HDAC9: variants seen among roughly 807,000 people sequenced by gnomAD.
HDAC9 encodes the protein MEF-2 interacting transcription repressor (MITR) protein.
A neutral mutation model predicts 139.4 loss-of-function variants in HDAC9; 41 were observed. That is an observed-to-expected ratio of 0.29 (90% CI 0.23 to 0.38). HDAC9 has a LOEUF of 0.38. Among genes scored for constraint, HDAC9 ranks in the 10% least tolerant of loss-of-function variants. The pLI is 1.00. For synonymous variants in HDAC9, 517 were observed against 476.2 expected, an observed-to-expected ratio of 1.09 and a Z score of -1.12; for missense variants, 1,147 against 1,297.0, an observed-to-expected ratio of 0.88 and a Z score of 1.78.
intron 1 of HDAC9, chr7:18,151,745 A>T (rs1786797493): frequency 6.6e-6 from 1 of 152,198 alleles, no homozygotes; most frequent in Non-Finnish European, 1.5e-5. Flanking sequence ...GCTACATACA[A>T]CAAACTATCA....
chr7:18,803,095 A>G (rs554784828), intron 17 of HDAC9, among the ~76,000 whole-genome samples: 67 of 151,946 alleles, frequency 4.4e-4, no homozygotes, highest in Non-Finnish European at 7.5e-4. Flanking sequence ...TAATTAAATT[A>G]GTTTATTTTT....
At chr7:18,726,297 T>A (rs1022947020) in intron 12 of HDAC9, among the ~76,000 whole-genome samples, 1 of 152,042 alleles carries the variant, frequency 6.6e-6, no homozygotes, top group Non-Finnish European at 1.5e-5. Flanking sequence ...AAGCCTTGAG[T>A]GAAAATACAG....
intron 25 of HDAC9, among the ~76,000 whole-genome samples, chr7:18,990,239 A>T (rs922840804): frequency 2.6e-5 from 4 of 152,126 alleles, no homozygotes; most frequent in African/African-American, 9.7e-5. Flanking sequence ...TCTGGTGTGG[A>T]TGTCCTTTCT....
chr7:18,164,741 C>G (rs1787884074), intron 2 of HDAC9, among the ~76,000 whole-genome samples: 1 of 152,136 alleles, frequency 6.6e-6, no homozygotes, highest in Non-Finnish European at 1.5e-5. Context: ...ACAATAAGTG[C>G]TGATTTTTGT....
At chr7:18,646,637 C>T (rs1787520322) in intron 9 of HDAC9, among the ~76,000 whole-genome samples, 1 of 152,078 alleles carries the variant, frequency 6.6e-6, no homozygotes, top group African/African-American at 2.4e-5. Context: ...TCAGTTTCTC[C>T]ATTGCTGAAA....
intron 5 of HDAC9, among the ~76,000 whole-genome samples, chr7:18,592,074 G>C (rs1831153158): frequency 6.6e-6 from 1 of 152,052 alleles, no homozygotes; most frequent in Non-Finnish European, 1.5e-5. Context: ...TATTACACTT[G>C]ACTTGGTGTA....
chr7:18,953,673 C>G (rs1411446965), intron 23 of HDAC9, among the ~76,000 whole-genome samples: 2 of 152,044 alleles, frequency 1.3e-5, no homozygotes, highest in African/African-American at 4.8e-5. Context: ...GCAGCTGTGT[C>G]TCATGGCTTT....
intron 24 of HDAC9, among the ~76,000 whole-genome samples, chr7:18,956,601 G>A (rs1783166378): frequency 6.6e-6 from 1 of 152,112 alleles, no homozygotes; most frequent in Non-Finnish European, 1.5e-5. Context: ...GATATATGGT[G>A]TAGTGGACAC....
At chr7:18,199,009 G>A (rs1790916685) in intron 2 of HDAC9, among the ~76,000 whole-genome samples, 1 of 152,074 alleles carries the variant, frequency 6.6e-6, no homozygotes, top group Non-Finnish European at 1.5e-5. Context: ...ATCACCTATA[G>A]TGTAAAATTT....
chr7:18,993,870 C>G (rs1786226353), intron 25 of HDAC9, among the ~76,000 whole-genome samples: 3 of 151,040 alleles, frequency 2.0e-5, no homozygotes, highest in Admixed American at 2.0e-4. Context: ...GTAGATGGTT[C>G]AATAGAAGGT....
At chr7:18,928,020 A>G (rs10486325) in intron 22 of HDAC9, among the ~76,000 whole-genome samples, 2,936 of 152,276 alleles carry the variant, frequency 0.019, 159 homozygotes, top group East Asian at 0.14. Context: ...ATAGATCACA[A>G]TGTGTCACCA....
chr7:18,932,848 A>AAAAGAAAAGAAAG (rs1554405268), intron 22 of HDAC9, among the ~76,000 whole-genome samples: 2 of 138,204 alleles, frequency 1.4e-5, no homozygotes, highest in Non-Finnish European at 1.5e-5. Context: ...AGGAAGGAAA[A>AAAAGAAAAGAAAG]AAAGAAAGAA....
intron 23 of HDAC9, among the ~76,000 whole-genome samples, chr7:18,938,112 T>C (rs1275982885): frequency 6.6e-6 from 1 of 152,146 alleles, no homozygotes; most frequent in East Asian, 1.9e-4. Context: ...GTACACGTGC[T>C]TTTCGTGGAG....
At chr7:18,422,731 GACACACACACGCGCACAC>G (rs1789739578) in intron 1 of HDAC9, among the ~76,000 whole-genome samples, 1 of 99,524 alleles carries the variant, frequency 1.0e-5, no homozygotes, top group African/African-American at 3.8e-5. Flanking sequence ...TTAGCTTTAA[GACACACACACGCGCACAC>G]ACACACACAC....
chr7:18,996,160 C>G lies in HDAC9; in HGVS notation c.*98C>G. 1 of 850,674 alleles carries G rather than the reference C, an allele frequency of 1.2e-6. No individual in the cohort carries two copies. The highest frequency in any genetic ancestry group is 1.9e-6 in the Non-Finnish European group (1 of 530,830). The allele number at this position is 850,674 out of a possible 1,614,324, so 52.7% of individuals were successfully genotyped here. A position where few individuals can be genotyped will look rare whatever the true frequency, so the allele number is the denominator to read the frequency against. On this transcript the variant is annotated 3_prime_UTR_variant, in exon 26 of 26. Coordinates refer to ENST00000686413, the MANE Select transcript of HDAC9 (RefSeq NM_178425.4). ...CATGTCTTGTCTGCTGCCTGGGTGGCACAGATTCAATGGAACATAAACACT... is the reference window on the plus strand; with the variant it reads ...CATGTCTTGTCTGCTGCCTGGGTGGGACAGATTCAATGGAACATAAACACT...
intron 2 of HDAC9, among the ~76,000 whole-genome samples, chr7:18,227,673 G>T (rs1793153465): frequency 6.6e-6 from 1 of 152,060 alleles, no homozygotes; most frequent in Non-Finnish European, 1.5e-5. Flanking sequence ...TTAGCTGAAG[G>T]CCCTTCAGTA....
intron 1 of HDAC9, among the ~76,000 whole-genome samples, chr7:18,476,130 T>G (rs1795094647): frequency 6.6e-6 from 1 of 152,140 alleles, no homozygotes; most frequent in Admixed American, 6.5e-5. Flanking sequence ...ACATTTTGTT[T>G]TTGGATGCTA....
intron 1 of HDAC9, among the ~76,000 whole-genome samples, chr7:18,315,281 G>A (rs1430365578): frequency 1.3e-5 from 2 of 152,168 alleles, no homozygotes; most frequent in East Asian, 3.8e-4. Context: ...TTTACCATAT[G>A]TATGAATTCC....
chr7:18,348,711 C>T (rs974417356), intron 1 of HDAC9, among the ~76,000 whole-genome samples: 6 of 152,174 alleles, frequency 3.9e-5, no homozygotes, highest in Non-Finnish European at 8.8e-5. Context: ...AAACTTTCTC[C>T]TTCTGCCTTC....
Sources: allele counts gnomAD v4.1 joint callset (sites outside exome capture counted in the v4.1 genomes callset), GRCh38; gene constraint gnomAD v4.1.1; transcripts MANE v1.5; gene names NCBI Gene and HGNC (gene_info 2026-07-23, HGNC 2026-07-21).